The following PDS5A variants were observed in gnomAD, a reference collection of about 807,000 sequenced individuals.
PDS5A encodes PDS5 cohesin associated factor A.
In PDS5A, 42 loss-of-function variants were observed where a neutral mutation model predicts 167.1. That is an observed-to-expected ratio of 0.25 (90% CI 0.20 to 0.33). The LOEUF (loss-of-function observed/expected upper bound fraction) is 0.33, where lower values mean the gene tolerates loss of function less well. Ranked by LOEUF, PDS5A falls within the 10% of genes least tolerant of loss-of-function variation. The pLI is 1.00. For missense variants in PDS5A, 1,033 were observed against 1,605.9 expected, an observed-to-expected ratio of 0.64 and a Z score of 6.10; for synonymous variants, 553 against 554.6, an observed-to-expected ratio of 1.00 and a Z score of 0.04.
intron 15 of PDS5A, 36 bp from the exon 16 acceptor site, chr4:39,898,564 A>C: frequency 8.0e-6 from 7 of 869,636 alleles, no homozygotes; most frequent in Non-Finnish European, 1.1e-5. Context: ...TTAGAGAAGG[A>C]AAAAAAAAAA....
intron 19 of PDS5A, among the ~76,000 whole-genome samples, chr4:39,874,730 C>T (rs1459510231): frequency 6.6e-6 from 1 of 152,164 alleles, no homozygotes; most frequent in Non-Finnish European, 1.5e-5. Flanking sequence ...CATTTACCTT[C>T]TAAGTAGCAA....
intron 26 of PDS5A, among the ~76,000 whole-genome samples, chr4:39,861,371 T>A (rs1203830143): frequency 1.3e-5 from 2 of 151,910 alleles, no homozygotes; most frequent in African/African-American, 4.8e-5. Flanking sequence ...GATGGGAGAA[T>A]CACTTGAACT....
At chr4:39,877,187 C>A in intron 18 of PDS5A, 34 bp from the exon 19 acceptor site, 1 of 1,370,838 alleles carries the variant, frequency 7.3e-7, no homozygotes, top group South Asian at 1.5e-5. Flanking sequence ...GAAGTACAGA[C>A]AATGGTTTTA....
intron 16 of PDS5A, among the ~76,000 whole-genome samples, chr4:39,892,851 A>G (rs1283033763): frequency 6.6e-6 from 1 of 152,244 alleles, no homozygotes; most frequent in Non-Finnish European, 1.5e-5. Context: ...AACCTATTTT[A>G]AAGATGCCTA....
At chr4:39,853,034 A>G (rs1384701094) in intron 26 of PDS5A, among the ~76,000 whole-genome samples, 1 of 147,684 alleles carries the variant, frequency 6.8e-6, no homozygotes, top group African/African-American at 2.5e-5. Context: ...CTGCCTCAGC[A>G]GGGACTGAGT....
Position 39,863,466 on chromosome 4 carries a change from A to G in PDS5A, c.2643-7T>C. On this transcript the variant is annotated splice_region_variant and splice_polypyrimidine_tract_variant and intron_variant, in intron 23 of 32. Coordinates refer to ENST00000303538, the MANE Select transcript of PDS5A (RefSeq NM_001100399.2). Reference sequence around the variant, plus strand: ...GCGAGACATATCAGATTTACTATAAACAAACAAAAAAGAAATAAACATTTC... The same window carrying G: ...GCGAGACATATCAGATTTACTATAAGCAAACAAAAAAGAAATAAACATTTC... 2 of 1,577,490 alleles carry G rather than the reference A, an allele frequency of 1.3e-6. No homozygotes were observed. The highest frequency in any genetic ancestry group is 1.7e-6 in the Non-Finnish European group (2 of 1,163,858).
chr4:39,851,244 T>G (rs2109520171), intron 26 of PDS5A, among the ~76,000 whole-genome samples: 1 of 152,156 alleles, frequency 6.6e-6, no homozygotes, highest in South Asian at 2.1e-4. Flanking sequence ...ATAATCCTCA[T>G]GACTCTATAA....
rs1225135090 is a variant in PDS5A at position 39,920,253 on chromosome 4, C to A, written c.735+66G>T. On this transcript the variant is annotated intron_variant, in intron 7 of 32. Transcript: ENST00000303538. ...TAAATAAACTTTTATGTAAGAGGTT[C>A]TAATAAATTAATACAATGGATTAAG... is the stretch of plus-strand genomic sequence containing the variant. 8.7e-6 allele frequency: 6 copies of A among 685,728 alleles called. No homozygotes were observed. The African/African-American group carries it at 9.4e-5, about 11-fold the overall frequency. 42.5% of individuals were successfully genotyped at this position (685,728 alleles called of 1,614,324 possible). A position where few individuals can be genotyped will look rare whatever the true frequency, so the allele number is the denominator to read the frequency against.
intron 6 of PDS5A, among the ~76,000 whole-genome samples, chr4:39,920,787 A>G (rs75894887): frequency 0.071 from 10,855 of 152,158 alleles, 484 homozygotes; most frequent in Non-Finnish European, 0.1. Context: ...CAACATGCTC[A>G]ATTATTTCAT....
At chr4:39,847,072 T>C (rs1389653580) in intron 28 of PDS5A, 5 of 152,162 alleles carry the variant, frequency 3.3e-5, no homozygotes, top group Non-Finnish European at 7.3e-5. Context: ...TAAGGAACGT[T>C]GCATACTGAA....
intron 16 of PDS5A, among the ~76,000 whole-genome samples, chr4:39,892,016 TG>T (rs1184284614): frequency 1.3e-5 from 2 of 151,740 alleles, no homozygotes; most frequent in Non-Finnish European, 2.9e-5. Flanking sequence ...GAGGCTGAGG[TG>T]GGGGGGATCA....
At chr4:39,961,261 CA>C (rs1238261873) in intron 2 of PDS5A, among the ~76,000 whole-genome samples, 2 of 152,050 alleles carry the variant, frequency 1.3e-5, no homozygotes, top group African/African-American at 4.8e-5. Context: ...CTTTCTGCAC[CA>C]GGGAATTCAA....
chr4:39,836,976 CT>C (rs1285553256), intron 32 of PDS5A: 2 of 134,836 alleles, frequency 1.5e-5, no homozygotes, highest in African/African-American at 2.7e-5. Context: ...ACCTGGCTAA[CT>C]TTTTGCATTT....
At chr4:39,855,375 A>G (rs1718450780) in intron 26 of PDS5A, among the ~76,000 whole-genome samples, 1 of 152,232 alleles carries the variant, frequency 6.6e-6, no homozygotes, top group African/African-American at 2.4e-5. Flanking sequence ...AAAGAGAGGA[A>G]GAACCAGATT....
At chr4:39,902,058 G>A (rs1213675610) in intron 13 of PDS5A, among the ~76,000 whole-genome samples, 5 of 152,084 alleles carry the variant, frequency 3.3e-5, no homozygotes, top group Non-Finnish European at 5.9e-5. Context: ...TATTTAGTCT[G>A]GAAGGATAAA....
chr4:39,867,835 T>C (rs780724754), intron 22 of PDS5A, among the ~76,000 whole-genome samples: 2 of 151,970 alleles, frequency 1.3e-5, no homozygotes, highest in Non-Finnish European at 2.9e-5. Context: ...TTTTGTGGTA[T>C]TGAAAAACTA....
At position 39,844,705 on chromosome 4, in the gene PDS5A, T is replaced by G; in HGVS notation, c.3499A>C (p.Asn1167His). 1 of 1,613,562 alleles carries G rather than the reference T, an allele frequency of 6.2e-7. No homozygotes were observed. The highest frequency in any genetic ancestry group is 8.5e-7 in the Non-Finnish European group (1 of 1,179,684). Residue 1167 changes from asparagine (N) to histidine (H), a missense_variant, in exon 30 of 33, where the codon AAT (asparagine) becomes CAT (histidine). Coordinates refer to ENST00000303538, the MANE Select transcript of PDS5A (RefSeq NM_001100399.2). The stretch of plus-strand genomic sequence containing the variant: ...TTCAGCTCTGAATTTACATTAATAT[T>G]GCTTCCAGTCTCAGTGCCAGTGCTT... ...VRSTGTETGS[N>H]INVNSELNPS...
intron 2 of PDS5A, among the ~76,000 whole-genome samples, chr4:39,948,767 GGCATGT>G (rs1728040438): frequency 6.6e-6 from 1 of 151,680 alleles, no homozygotes; most frequent in South Asian, 2.1e-4. Context: ...TGGGATTAAA[GGCATGT>G]GCCACCATGC....
chr4:39,848,573 C>G (rs1364345773), intron 28 of PDS5A: 3 of 344,894 alleles, frequency 8.7e-6, no homozygotes, highest in African/African-American at 6.6e-5. Context: ...AAAATACTAC[C>G]CATGTTTCAA....
Sources: gnomAD v4.1 joint callset for allele counts (sites outside exome capture counted in the v4.1 genomes callset) on GRCh38, gnomAD v4.1.1 for gene constraint, MANE v1.5 for transcripts, NCBI Gene and HGNC (gene_info 2026-07-23, HGNC 2026-07-21) for gene names.